Variants in SDC3 observed in about 807,000 individuals in gnomAD.
SDC3 encodes syndecan 3.
In SDC3, 13 loss-of-function variants were observed where a neutral mutation model predicts 24.4. The ratio of observed to expected loss-of-function variants is 0.53; its 90% confidence interval spans 0.35 to 0.85. The LOEUF (loss-of-function observed/expected upper bound fraction) is 0.85, where lower values mean the gene tolerates loss of function less well. SDC3 is among the 40% of genes least tolerant of loss of function. The pLI is 0.01. For synonymous variants in SDC3, 295 were observed against 260.9 expected, an observed-to-expected ratio of 1.13 and a Z score of -1.26; for missense variants, 571 against 584.5, an observed-to-expected ratio of 0.98 and a Z score of 0.24.
chr1:30,908,856 C>A, upstream of SDC3: 1 of 30,148 alleles, frequency 3.3e-5, no homozygotes, highest in South Asian at 1.1e-3. Flanking sequence ...GGGGCGGGCC[C>A]CAGTGCGCCC....
chr1:30,902,037 C>A (rs989524729), intron 1 of SDC3, among the ~76,000 whole-genome samples: 1 of 152,188 alleles, frequency 6.6e-6, no homozygotes, highest in African/African-American at 2.4e-5. Context: ...GATCCCTACT[C>A]CTTCGATGAC....
At chr1:30,875,486 C>T (rs1395312257) in intron 3 of SDC3, among the ~76,000 whole-genome samples, 1 of 152,184 alleles carries the variant, frequency 6.6e-6, no homozygotes, top group Non-Finnish European at 1.5e-5. Context: ...GTCAGAGGGA[C>T]TGACACTGAC....
At chr1:30,885,669 G>A (rs576699103) in intron 1 of SDC3, among the ~76,000 whole-genome samples, 10 of 152,340 alleles carry the variant, frequency 6.6e-5, no homozygotes, top group African/African-American at 1.7e-4. Context: ...CGGCCCAACC[G>A]AGTCTCACCA....
Position 30,870,050 on chromosome 1 carries a change from G to A in SDC3, c.*3161C>T, listed in dbSNP as rs995996753. On this transcript the variant is annotated 3_prime_UTR_variant, in exon 5 of 5. Coordinates refer to ENST00000339394, the MANE Select transcript of SDC3 (RefSeq NM_014654.4). ...AGAGGCCTGGGGAGGCAAGTCCAGG[G>A]TTGTAGTTGTTGGGAGAAGAAATCC... The A allele has an allele frequency of 2.5e-6, 1 of 397,400 alleles. No individual in the cohort carries two copies. The highest frequency in any genetic ancestry group is 4.4e-6 in the Non-Finnish European group (1 of 225,974). The allele number at this position is 397,400 out of a possible 1,614,324, so 24.6% of individuals were successfully genotyped here. A position where few individuals can be genotyped will look rare whatever the true frequency, so the allele number is the denominator to read the frequency against.
Position 30,874,534 on chromosome 1 carries a change from C to A in SDC3, c.925G>T (p.Val309Leu). 1 of 1,614,164 alleles carries A rather than the reference C, an allele frequency of 6.2e-7. No homozygotes were observed. The highest frequency in any genetic ancestry group is 8.5e-7 in the Non-Finnish European group (1 of 1,180,030). ...AAGTCTCCACTGGGCCCCCCACTCA[C>A]CGGAACCTCTGGCTCATCCCGGATT... is the stretch of plus-strand genomic sequence containing the variant. ...TTIRDEPEVP[V>L]SGGPSGDFEL... Residue 309 changes from valine to leucine, a missense_variant, in exon 4 of 5, where the codon GTG (valine) becomes TTG (leucine). Val to Leu is a conservative substitution (Grantham distance 32). Coordinates refer to ENST00000339394, the MANE Select transcript of SDC3 (RefSeq NM_014654.4).
intron 1 of SDC3, among the ~76,000 whole-genome samples, chr1:30,900,942 T>C (rs1238655134): frequency 2.6e-5 from 4 of 151,902 alleles, no homozygotes; most frequent in African/African-American, 9.7e-5. Flanking sequence ...CCATGGCCCA[T>C]CCAAAAGCAG....
intron 1 of SDC3, among the ~76,000 whole-genome samples, chr1:30,904,761 T>C (rs915641649): frequency 3.3e-5 from 5 of 152,092 alleles, no homozygotes; most frequent in African/African-American, 1.2e-4. Flanking sequence ...ACCACTTTCA[T>C]TGCTTAGCTC....
chr1:30,903,280 C>A (rs990919539), intron 1 of SDC3, among the ~76,000 whole-genome samples: 25 of 152,134 alleles, frequency 1.6e-4, no homozygotes, highest in African/African-American at 6.0e-4. Flanking sequence ...ACTCAGTCCC[C>A]AACACTGGGG....
rs561961106 is a variant in SDC3 at position 30,896,189 on chromosome 1, T to A, written c.138+12260A>T. ...AGGAGTGAAACAGATTGAGGACGTGTGAAAGCAGGGAAAAGAAACAAAGTA... is the reference window on the plus strand; with the variant it reads ...AGGAGTGAAACAGATTGAGGACGTGAGAAAGCAGGGAAAAGAAACAAAGTA... On this transcript the variant is annotated intron_variant, in intron 1 of 4. Coordinates refer to ENST00000339394, the MANE Select transcript of SDC3 (RefSeq NM_014654.4). Among the ~76,000 whole-genome samples, 122 of 151,890 alleles carry A rather than the reference T, an allele frequency of 8.0e-4. 1 individual carries two copies. Among genetic ancestry groups the A allele is most frequent in the African/African-American group, 2.9e-3 (119 of 41,398 alleles).
At chr1:30,881,112 G>GATA (rs1294954773) in intron 1 of SDC3, among the ~76,000 whole-genome samples, 1 of 149,926 alleles carries the variant, frequency 6.7e-6, no homozygotes, top group African/African-American at 2.5e-5. Context: ...CACCCCAATG[G>GATA]ATACACACAC....
At chr1:30,903,067 A>C (rs907282691) in intron 1 of SDC3, among the ~76,000 whole-genome samples, 1 of 152,190 alleles carries the variant, frequency 6.6e-6, no homozygotes, top group Non-Finnish European at 1.5e-5. Flanking sequence ...TCTATCAAGA[A>C]AGCACTGACA....
chr1:30,887,504 C>A (rs1639847006), intron 1 of SDC3, among the ~76,000 whole-genome samples: 1 of 152,074 alleles, frequency 6.6e-6, no homozygotes, highest in East Asian at 1.9e-4. Flanking sequence ...GACACTGTGT[C>A]CCCACTCAAA....
chr1:30,887,035 G>A (rs2124325667), intron 1 of SDC3, among the ~76,000 whole-genome samples: 1 of 152,228 alleles, frequency 6.6e-6, no homozygotes, highest in South Asian at 2.1e-4. Context: ...CCTACCAGAA[G>A]GCTCTCAAAA....
intron 1 of SDC3, among the ~76,000 whole-genome samples, chr1:30,907,806 C>T (rs1398435366): frequency 6.6e-6 from 1 of 152,212 alleles, no homozygotes; most frequent in African/African-American, 2.4e-5. Flanking sequence ...GTCACCTTCA[C>T]CAAGTCACCC....
chr1:30,869,567 A>G lies in SDC3; in HGVS notation c.*3644T>C, dbSNP rs972655151. The G allele has an allele frequency of 2.5e-6, 1 of 397,548 alleles. No homozygotes were observed. The highest frequency in any genetic ancestry group is 4.4e-6 in the Non-Finnish European group (1 of 225,810). 24.6% of individuals were successfully genotyped at this position (397,548 alleles called of 1,614,324 possible). On this transcript the variant is annotated 3_prime_UTR_variant, in exon 5 of 5. Coordinates refer to ENST00000339394, the MANE Select transcript of SDC3 (RefSeq NM_014654.4). ...AAAAAAAAAAAAAAAAAAAACAAAA[A>G]CAAAACCAGTTCCTTCACAAGGCTG...
At position 30,908,452 on chromosome 1, in the gene SDC3, C is replaced by A; in HGVS notation, c.135G>T (p.Ala45=). The A allele has an allele frequency of 9.6e-7, 1 of 1,039,618 alleles. No individual in the cohort carries two copies. The allele number at this position is 1,039,618 out of a possible 1,614,324, so 64.4% of individuals were successfully genotyped here. The change falls in exon 1 of 5, where the codon GCG becomes GCT. Residue 45 remains alanine, a synonymous_variant. Transcript: ENST00000339394. ...GATCCGGGCGCGTGTCACTCACCCCCGCGGCGCGCCCCGCCAGCAGCAGCA... is the reference window on the plus strand; with the variant it reads ...GATCCGGGCGCGTGTCACTCACCCCAGCGGCGCGCCCCGCCAGCAGCAGCA... ...LLLLLLAGRA[A]GAQRWRSENF...
intron 1 of SDC3, among the ~76,000 whole-genome samples, chr1:30,893,021 C>T (rs906716683): frequency 6.6e-6 from 1 of 152,198 alleles, no homozygotes; most frequent in Non-Finnish European, 1.5e-5. Context: ...AAAGGCCAGC[C>T]CAACAGCCAA....
intron 1 of SDC3, among the ~76,000 whole-genome samples, chr1:30,882,964 C>T (rs1185496998): frequency 1.4e-4 from 22 of 152,130 alleles, no homozygotes; most frequent in Middle Eastern, 3.2e-3. Context: ...GCACAGGACC[C>T]GACACCAAGT....
Position 30,870,461 on chromosome 1 carries a change from G to T in SDC3, c.*2750C>A, listed in dbSNP as rs1246970139. 1 of 152,876 alleles carries T rather than the reference G, an allele frequency of 6.5e-6. No individual in the cohort carries two copies. The highest frequency in any genetic ancestry group is 1.5e-5 in the Non-Finnish European group (1 of 68,550). 9.5% of individuals were successfully genotyped at this position (152,876 alleles called of 1,614,324 possible). ...ACACTCCATCACAGGCAGGGGTAGG[G>T]GGACATGAGGGCCCTGCACCCACAT... is the stretch of plus-strand genomic sequence containing the variant. On this transcript the variant is annotated 3_prime_UTR_variant, in exon 5 of 5. Transcript: ENST00000339394.
Sources: gnomAD v4.1 joint callset for allele counts (sites outside exome capture counted in the v4.1 genomes callset) on GRCh38, gnomAD v4.1.1 for gene constraint, MANE v1.5 for transcripts, NCBI Gene and HGNC (gene_info 2026-07-23, HGNC 2026-07-21) for gene names.